Variants in DOCK8 observed in about 807,000 individuals in gnomAD.
The protein encoded by DOCK8 is dedicator of cytokinesis 8.
In DOCK8, 141 loss-of-function variants were observed where a neutral mutation model predicts 245.6. The ratio of observed to expected loss-of-function variants is 0.57; its 90% CI spans 0.50 to 0.66. The LOEUF (loss-of-function observed/expected upper bound fraction) is 0.66. Among genes scored for constraint, DOCK8 ranks in the 30% least tolerant of loss-of-function variants. DOCK8 has a pLI of 0.00. For synonymous variants in DOCK8, 1,168 were observed against 970.2 expected (o/e 1.20, Z -3.79); for missense variants, 2,965 against 2,603.4 (o/e 1.14, Z -3.02).
chr9:356,412 C>A (rs548108196), intron 14 of DOCK8, among the ~76,000 whole-genome samples: 48 of 152,110 alleles, frequency 3.2e-4, no homozygotes, highest in Non-Finnish European at 5.7e-4. Flanking sequence ...CGCCTGTAAT[C>A]CCAGCTACTC....
At chr9:325,991 G>A (rs1367060285) in intron 8 of DOCK8, among the ~76,000 whole-genome samples, 1 of 152,212 alleles carries the variant, frequency 6.6e-6, no homozygotes, top group Non-Finnish European at 1.5e-5. Flanking sequence ...GAATGAAATA[G>A]CGCATGGGGT....
intron 44 of DOCK8, 30 bp from the exon 45 acceptor site, chr9:449,754 G>T: frequency 6.2e-7 from 1 of 1,612,102 alleles, no homozygotes; most frequent in South Asian, 1.1e-5. Flanking sequence ...ACCAGACAGT[G>T]ACTTCCCTAT....
At position 288,672 on chromosome 9, in the gene DOCK8, A is replaced by G. The variant is rs76450055; in HGVS notation, c.333-838A>G. 5.2e-3 allele frequency among the ~76,000 whole-genome samples: 788 copies of G among 152,288 alleles called. 10 individuals carry two copies. Among genetic ancestry groups the G allele is most frequent in the African/African-American group, 0.017 (716 of 41,566 alleles). The stretch of plus-strand genomic sequence containing the variant: ...AAAGGGGCACTCTTACTACTCTAAC[A>G]GCTTTAAGGAGAGGAAACTGAGGCA... On this transcript the variant is annotated intron_variant, in intron 3 of 47. Transcript: ENST00000432829.
chr9:443,613 G>T, intron 43 of DOCK8, 97 bp downstream of exon 43: 1 of 997,870 alleles, frequency 1.0e-6, no homozygotes, highest in Non-Finnish European at 1.6e-6. Context: ...GACTCTCCAA[G>T]TCACTTAAAT....
intron 23 of DOCK8, among the ~76,000 whole-genome samples, chr9:388,898 A>G (rs2054068623): frequency 6.6e-6 from 1 of 152,206 alleles, no homozygotes; most frequent in Non-Finnish European, 1.5e-5. Flanking sequence ...TGTTTGCTGT[A>G]ATCAGTTTTT....
At chr9:278,911 T>G (rs1211397552) in intron 2 of DOCK8, among the ~76,000 whole-genome samples, 1 of 152,094 alleles carries the variant, frequency 6.6e-6, no homozygotes, top group African/African-American at 2.4e-5. Context: ...CGTGGAACCA[T>G]TTGACTTTTT....
chr9:405,761 T>C (rs1329356565), intron 27 of DOCK8, among the ~76,000 whole-genome samples: 1 of 152,236 alleles, frequency 6.6e-6, no homozygotes, highest in Non-Finnish European at 1.5e-5. Context: ...AGTGAAGGCT[T>C]GTCTTACTAA....
chr9:296,000 A>C (rs377115773), intron 4 of DOCK8, among the ~76,000 whole-genome samples: 17 of 152,392 alleles, frequency 1.1e-4, no homozygotes, highest in Admixed American at 4.6e-4. Context: ...TCTCCAGTAC[A>C]TTGAAGGAAA....
In DOCK8 at chr9:417,982, C is replaced by G. The variant is rs113331690; in HGVS notation, c.3701-86C>G. On this transcript the variant is annotated intron_variant, in intron 29 of 47. Coordinates refer to ENST00000432829, the MANE Select transcript of DOCK8 (RefSeq NM_203447.4). ...GAAATTACTGTGCTGACTTTAGTGA[C>G]TGAGAAGTATCAGTCTCTTATTGGG... 1,144 of 1,568,996 alleles carry G rather than the reference C, an allele frequency of 7.3e-4. 8 individuals are homozygous for G. In the African/African-American group the frequency reaches 0.013, roughly 18 times the overall value.
At chr9:222,612 C>T (rs2046908681) in intron 1 of DOCK8, among the ~76,000 whole-genome samples, 1 of 152,166 alleles carries the variant, frequency 6.6e-6, no homozygotes, top group Admixed American at 6.5e-5. Context: ...TAGCTTCTCT[C>T]CTAGGTCAGA....
intron 24 of DOCK8, among the ~76,000 whole-genome samples, chr9:396,307 C>T (rs2054452847): frequency 6.6e-6 from 1 of 152,174 alleles, no homozygotes. Context: ...AACACTGAAA[C>T]TCAAGATAGG....
chr9:385,903 G>T (rs893842879), intron 22 of DOCK8, among the ~76,000 whole-genome samples: 3 of 152,146 alleles, frequency 2.0e-5, no homozygotes, highest in Non-Finnish European at 4.4e-5. Flanking sequence ...GAAAATGTCT[G>T]ATAGAGCATG....
At chr9:416,002 T>A (rs2055989592) in intron 29 of DOCK8, among the ~76,000 whole-genome samples, 1 of 152,154 alleles carries the variant, frequency 6.6e-6, no homozygotes, top group Non-Finnish European at 1.5e-5. Flanking sequence ...TTCATACAAA[T>A]CATAAAATGA....
intron 9 of DOCK8, among the ~76,000 whole-genome samples, chr9:331,224 A>G (rs958789713): frequency 1.3e-5 from 2 of 152,122 alleles, no homozygotes; most frequent in Non-Finnish European, 2.9e-5. Context: ...TAAGTAAACG[A>G]TTGCTGATTA....
rs554948510 is a variant in DOCK8, at chr9:451,943, A to G, written c.5962-68A>G. ...CATATATATGTATGTGTATATATAT[A>G]TGTGTGTGTGTGTATATATATATAT... is the stretch of plus-strand genomic sequence containing the variant. On this transcript the variant is annotated intron_variant, in intron 45 of 47. Coordinates refer to ENST00000432829, the MANE Select transcript of DOCK8 (RefSeq NM_203447.4). 7.4e-4 allele frequency: 226 copies of G among 305,146 alleles called. 1 individual carries two copies. The highest frequency in any genetic ancestry group is 4.2e-3 in the African/African-American group (147 of 34,844). 18.9% of individuals were successfully genotyped at this position (305,146 alleles called of 1,614,324 possible). A position where few individuals can be genotyped will look rare whatever the true frequency, so the allele number is the denominator to read the frequency against.
At chr9:216,795 T>C (rs1322809765) in intron 1 of DOCK8, among the ~76,000 whole-genome samples, 1 of 152,094 alleles carries the variant, frequency 6.6e-6, no homozygotes, top group African/African-American at 2.4e-5. Flanking sequence ...TGGGCAGGGT[T>C]GATCTGGGGT....
intron 46 of DOCK8, among the ~76,000 whole-genome samples, chr9:453,572 G>T (rs935957764): frequency 6.6e-6 from 1 of 152,076 alleles, no homozygotes; most frequent in Non-Finnish European, 1.5e-5. Flanking sequence ...GACTACAGAC[G>T]TGTGCCACCA....
rs779550504 is a variant in DOCK8 at position 464,396 on chromosome 9, C to T, written c.*177C>T. 4.2e-5 allele frequency: 29 copies of T among 688,460 alleles called. 1 individual carries two copies. Among genetic ancestry groups the T allele is most frequent in the Non-Finnish European group, 7.0e-5 (27 of 383,490 alleles). 42.6% of individuals were successfully genotyped at this position (688,460 alleles called of 1,614,324 possible). A position where few individuals can be genotyped will look rare whatever the true frequency, so the allele number is the denominator to read the frequency against. On this transcript the variant is annotated 3_prime_UTR_variant, in exon 48 of 48. Coordinates refer to ENST00000432829, the MANE Select transcript of DOCK8 (RefSeq NM_203447.4). ...GGAATTATTCCCAAATGGACTCTGA[C>T]CAGATTTTTGCCATACTGGGGGGTG... is the stretch of plus-strand genomic sequence containing the variant.
intron 26 of DOCK8, among the ~76,000 whole-genome samples, chr9:403,890 CTCTATATATA>C (rs2055239947): frequency 2.5e-5 from 2 of 80,220 alleles, no homozygotes; most frequent in Non-Finnish European, 4.1e-5. Context: ...CTCTCTCTCT[CTCTATATATA>C]TATATATATA....
Sources: allele counts gnomAD v4.1 joint callset (sites outside exome capture counted in the v4.1 genomes callset), GRCh38; gene constraint gnomAD v4.1.1; transcripts MANE v1.5; gene names NCBI Gene and HGNC (gene_info 2026-07-23, HGNC 2026-07-21).